The following KIF21A variants were observed in gnomAD, a reference collection of about 807,000 sequenced individuals.
The protein encoded by KIF21A is kinesin family member 21A, also known as kinesin-like protein KIF21A.
Under a neutral mutation model 202.9 loss-of-function variants are expected in KIF21A, and 114 were observed. That is an observed-to-expected ratio of 0.56 (90% confidence interval 0.48 to 0.66). KIF21A has a LOEUF of 0.66. Ranked by LOEUF, KIF21A falls within the 30% of genes least tolerant of loss-of-function variation. The pLI, the probability that KIF21A is intolerant of heterozygous loss-of-function variation, is 0.00. For missense variants in KIF21A, 1,677 were observed against 1,994.9 expected (o/e 0.84, Z 3.04); for synonymous variants, 667 against 670.8 (o/e 0.99, Z 0.09).
rs117706687 is a variant in KIF21A at position 39,404,860 on chromosome 12, T to G, written c.45-34599A>C. 2.9e-3 allele frequency among the ~76,000 whole-genome samples: 441 copies of G among 152,332 alleles called. 7 individuals are homozygous for G. In the East Asian group the frequency reaches 0.07, roughly 24 times the overall value. ...TATAAAATTAGTGATACCTTCATAC[T>G]ATTTCAGCAGTATCAATAATATTCC... On this transcript the variant is annotated intron_variant, in intron 1 of 37. Transcript: ENST00000361418.
In KIF21A at chr12:39,393,107, G is replaced by T. The variant is rs1251318426; in HGVS notation, c.45-22846C>A. On this transcript the variant is annotated intron_variant, in intron 1 of 37. Transcript: ENST00000361418. ...GGAACCCAGTTTTTGGTCTTCTGAA[G>T]ATCCTTCAGCCCTACCTGCATCACC... 2.7e-5 allele frequency among the ~76,000 whole-genome samples: 4 copies of T among 150,512 alleles called. No individual in the cohort carries two copies. The East Asian group carries it at 7.9e-4, about 30-fold the overall frequency.
Position 39,331,842 on chromosome 12 carries a change from A to G in KIF21A, c.3052-51T>C, listed in dbSNP as rs771644834. On this transcript the variant is annotated intron_variant, in intron 21 of 37. Coordinates refer to ENST00000361418, the MANE Select transcript of KIF21A (RefSeq NM_001173464.2). ...GACCATTACTTTGAGCTGAAAACAG[A>G]AGGCAACAGCCTATTGTTTCACATA... 3.9e-6 allele frequency: 5 copies of G among 1,295,092 alleles called. No individual in the cohort carries two copies. In the East Asian group the frequency reaches 6.9e-5, roughly 18 times the overall value. The allele number at this position is 1,295,092 out of a possible 1,614,324, so 80.2% of individuals were successfully genotyped here.
intron 1 of KIF21A, among the ~76,000 whole-genome samples, chr12:39,373,978 A>G (rs1158446609): frequency 6.6e-6 from 1 of 152,200 alleles, no homozygotes; most frequent in Non-Finnish European, 1.5e-5. Context: ...CAGGTCTGAG[A>G]AAGTCACACC....
intron 6 of KIF21A, among the ~76,000 whole-genome samples, chr12:39,365,855 CA>C (rs201072946): frequency 0.011 from 1,657 of 152,100 alleles, 38 homozygotes; most frequent in African/African-American, 0.036. Context: ...ACAAAAAATA[CA>C]AAAATTATCT....
chr12:39,325,179 T>C (rs1294976677), intron 26 of KIF21A, among the ~76,000 whole-genome samples: 1 of 152,156 alleles, frequency 6.6e-6, no homozygotes, highest in Non-Finnish European at 1.5e-5. Flanking sequence ...GCTAAAATTT[T>C]AAAAATCTCC....
At position 39,332,909 on chromosome 12, in the gene KIF21A, C is replaced by A. The variant is rs377107935; in HGVS notation, c.2686G>T (p.Ala896Ser). The part of the protein sequence containing the change: ...VARVQALPTP[A>S]TNGNRKKYQR... ...TATGTAGACCTGTTTCCATTTGTTGCCGGCGTTGGTAAGGCCTGGACTCTC... is the reference window on the plus strand; with the variant it reads ...TATGTAGACCTGTTTCCATTTGTTGACGGCGTTGGTAAGGCCTGGACTCTC... Residue 896 changes from alanine to serine, a missense_variant, in exon 19 of 38, where the codon GCA (alanine) becomes TCA (serine). Transcript: ENST00000361418. 2 of 1,613,736 alleles carry A rather than the reference C, an allele frequency of 1.2e-6. No homozygotes were observed. Among genetic ancestry groups the A allele is most frequent in the Middle Eastern group, 1.7e-4 (1 of 5,780 alleles).
chr12:39,400,936 G>A (rs572685821), intron 1 of KIF21A, among the ~76,000 whole-genome samples: 2 of 152,076 alleles, frequency 1.3e-5, no homozygotes, highest in Non-Finnish European at 2.9e-5. Context: ...TTTCACAAAG[G>A]TTCCTAGAGA....
rs75604765 is a variant in KIF21A at position 39,374,969 on chromosome 12, A to G, written c.45-4708T>C. ...TGTTCCTTATTTCTTCATTATTCCT[A>G]TCGTATAACAAATGATACTGTGGAC... is the stretch of plus-strand genomic sequence containing the variant. On this transcript the variant is annotated intron_variant, in intron 1 of 37. Coordinates refer to ENST00000361418, the MANE Select transcript of KIF21A (RefSeq NM_001173464.2). Among the ~76,000 whole-genome samples the G allele has an allele frequency of 3.9e-5, 6 of 152,184 alleles. No individual in the cohort carries two copies. In the East Asian group the frequency reaches 1.2e-3, roughly 29 times the overall value.
intron 1 of KIF21A, among the ~76,000 whole-genome samples, chr12:39,390,458 G>A (rs1189172834): frequency 6.6e-6 from 1 of 152,026 alleles, no homozygotes; most frequent in South Asian, 2.1e-4. Context: ...TTATTTCCTT[G>A]AAGGTAGTCT....
At chr12:39,419,393 T>G (rs1029137375) in intron 1 of KIF21A, among the ~76,000 whole-genome samples, 1 of 152,194 alleles carries the variant, frequency 6.6e-6, no homozygotes, top group Non-Finnish European at 1.5e-5. Flanking sequence ...TCCTATAATT[T>G]CCATTCCTAT....
intron 1 of KIF21A, among the ~76,000 whole-genome samples, chr12:39,419,406 T>C (rs1954056297): frequency 6.6e-6 from 1 of 152,246 alleles, no homozygotes; most frequent in South Asian, 2.1e-4. Context: ...ATTCCTATAG[T>C]GTAAACAGTT....
intron 11 of KIF21A, among the ~76,000 whole-genome samples, chr12:39,350,518 C>A (rs1251748407): frequency 6.6e-6 from 1 of 151,978 alleles, no homozygotes; most frequent in Non-Finnish European, 1.5e-5. Context: ...AGTGATAAGT[C>A]ATGTGCAAAA....
intron 1 of KIF21A, among the ~76,000 whole-genome samples, chr12:39,376,121 C>A (rs1950255558): frequency 6.6e-6 from 1 of 151,940 alleles, no homozygotes; most frequent in African/African-American, 2.4e-5. Flanking sequence ...CCTTGAGTCC[C>A]CAAGAAAATT....
intron 1 of KIF21A, among the ~76,000 whole-genome samples, chr12:39,428,113 A>T (rs1954906062): frequency 6.6e-6 from 1 of 152,220 alleles, no homozygotes; most frequent in African/African-American, 2.4e-5. Flanking sequence ...TGTGTTCATT[A>T]TCCTAATAGC....
rs568810310 is a variant in KIF21A, at chr12:39,331,558, A to G, written c.3153+132T>C. The G allele has an allele frequency of 1.6e-4, 113 of 698,496 alleles. No homozygotes were observed. In the African/African-American group the frequency reaches 1.8e-3, roughly 11 times the overall value. The allele number at this position is 698,496 out of a possible 1,614,324, so 43.3% of individuals were successfully genotyped here. On this transcript the variant is annotated intron_variant, in intron 22 of 37. Coordinates refer to ENST00000361418, the MANE Select transcript of KIF21A (RefSeq NM_001173464.2). ...CTCTTCCTGACTCTAAAGAAAGGTAAAAGAAATACTTTCCAATTATGAATA... is the reference window on the plus strand; with the variant it reads ...CTCTTCCTGACTCTAAAGAAAGGTAGAAGAAATACTTTCCAATTATGAATA...
At chr12:39,377,397 G>T (rs968515003) in intron 1 of KIF21A, among the ~76,000 whole-genome samples, 1 of 152,068 alleles carries the variant, frequency 6.6e-6, no homozygotes. Context: ...CATCACAACT[G>T]AGCCACTGGG....
intron 26 of KIF21A, 104 bp from the exon 27 acceptor site, chr12:39,322,986 C>T: frequency 4.7e-6 from 4 of 851,360 alleles, no homozygotes; most frequent in Middle Eastern, 7.3e-4. Context: ...AAACATTTAG[C>T]GTGTCTTTTC....
intron 1 of KIF21A, among the ~76,000 whole-genome samples, chr12:39,405,554 G>A (rs73088804): frequency 0.011 from 1,666 of 152,106 alleles, 38 homozygotes; most frequent in African/African-American, 0.036. Context: ...TACAGTGCAG[G>A]AAATATTTAA....
intron 32 of KIF21A, among the ~76,000 whole-genome samples, chr12:39,310,807 T>C (rs1365934515): frequency 2.0e-5 from 3 of 152,060 alleles, no homozygotes; most frequent in Non-Finnish European, 2.9e-5. Context: ...CATTTATAGC[T>C]GGTTTCCAGT....
Sources: allele counts gnomAD v4.1 joint callset (sites outside exome capture counted in the v4.1 genomes callset), GRCh38; gene constraint gnomAD v4.1.1; transcripts MANE v1.5; gene names NCBI Gene and HGNC (gene_info 2026-07-23, HGNC 2026-07-21).